The following MARCHF4 variants were observed in gnomAD, a reference collection of about 807,000 sequenced individuals.
MARCHF4 encodes the protein membrane associated ring-CH-type finger 4.
Under a neutral mutation model 43.9 loss-of-function variants are expected in MARCHF4, and 14 were observed. The observed-to-expected ratio is 0.32, with a 90% CI of 0.21 to 0.50. MARCHF4 has a LOEUF of 0.50. Among genes scored for constraint, MARCHF4 ranks in the 20% least tolerant of loss-of-function variants. The pLI, the probability that MARCHF4 is intolerant of heterozygous loss-of-function variation, is 0.98. For missense variants in MARCHF4, 468 were observed against 536.7 expected, an observed-to-expected ratio of 0.87 and a Z score of 1.27; for synonymous variants, 226 against 213.3, an observed-to-expected ratio of 1.06 and a Z score of -0.52.
chr2:216,349,467 C>T (rs1337535081), intron 1 of MARCHF4, among the ~76,000 whole-genome samples: 1 of 152,114 alleles, frequency 6.6e-6, no homozygotes, highest in African/African-American at 2.4e-5. Context: ...CATCGTTCAC[C>T]TGGGAGGAGG....
At chr2:216,275,951 C>T (rs1691015537) in intron 3 of MARCHF4, among the ~76,000 whole-genome samples, 2 of 152,226 alleles carry the variant, frequency 1.3e-5, no homozygotes, top group African/African-American at 2.4e-5. Context: ...CATGAGGAGA[C>T]ACTCAGAGCA....
At chr2:216,365,965 A>G (rs560813034) in intron 1 of MARCHF4, among the ~76,000 whole-genome samples, 2 of 152,332 alleles carry the variant, frequency 1.3e-5, no homozygotes, top group Non-Finnish European at 1.5e-5. Context: ...CTCTGTGCCT[A>G]GAGCATTATA....
chr2:216,365,877 T>C (rs933987720), intron 1 of MARCHF4, among the ~76,000 whole-genome samples: 5 of 152,220 alleles, frequency 3.3e-5, no homozygotes, highest in African/African-American at 1.2e-4. Context: ...CCTATGTCTC[T>C]GGACCTTGTC....
intron 1 of MARCHF4, among the ~76,000 whole-genome samples, chr2:216,323,912 G>A (rs1200277283): frequency 6.6e-6 from 1 of 152,100 alleles, no homozygotes; most frequent in African/African-American, 2.4e-5. Context: ...AACTAGAAAA[G>A]CAAGAGCAAA....
At chr2:216,269,242 A>C (rs185508943) in intron 3 of MARCHF4, among the ~76,000 whole-genome samples, 3 of 152,178 alleles carry the variant, frequency 2.0e-5, no homozygotes, top group Admixed American at 6.5e-5. Flanking sequence ...AGTTAAAAAA[A>C]TGTTTTTTTG....
intron 1 of MARCHF4, among the ~76,000 whole-genome samples, chr2:216,296,847 G>T (rs1043578684): frequency 1.3e-5 from 2 of 152,160 alleles, no homozygotes; most frequent in African/African-American, 4.8e-5. Context: ...TCTGAGGGTG[G>T]CGTAATGGGG....
intron 1 of MARCHF4, chr2:216,318,096 T>C (rs1039001920): frequency 1.3e-5 from 2 of 152,242 alleles, no homozygotes; most frequent in Non-Finnish European, 2.9e-5. Flanking sequence ...TCGATTCAAG[T>C]CACCAGCAGA....
At chr2:216,294,248 C>T (rs1691356534) in intron 1 of MARCHF4, among the ~76,000 whole-genome samples, 1 of 152,396 alleles carries the variant, frequency 6.6e-6, no homozygotes, top group Middle Eastern at 3.4e-3. Flanking sequence ...ACTCTTGCCT[C>T]TTACGAGCAG....
chr2:216,332,752 A>G (rs1028248837), intron 1 of MARCHF4, among the ~76,000 whole-genome samples: 5 of 152,218 alleles, frequency 3.3e-5, no homozygotes, highest in African/African-American at 1.2e-4. Flanking sequence ...CTGAACTACC[A>G]GATATTAAGA....
At chr2:216,340,156 T>C (rs2105973959) in intron 1 of MARCHF4, among the ~76,000 whole-genome samples, 2 of 152,270 alleles carry the variant, frequency 1.3e-5, no homozygotes, top group South Asian at 4.1e-4. Flanking sequence ...TTCAGACCCA[T>C]CCAATCCCTG....
chr2:216,363,000 TCTCCTCTCCCTCCAAC>T (rs912648828), intron 1 of MARCHF4, among the ~76,000 whole-genome samples: 3 of 151,800 alleles, frequency 2.0e-5, no homozygotes, highest in Non-Finnish European at 4.4e-5. Flanking sequence ...CCTTTAAGTG[TCTCCTCTCCCTCCAAC>T]CTCCTCTCCC....
chr2:216,329,182 C>T (rs1457753022), intron 1 of MARCHF4, among the ~76,000 whole-genome samples: 2 of 152,128 alleles, frequency 1.3e-5, no homozygotes, highest in African/African-American at 2.4e-5. Context: ...AGATCGAGAC[C>T]ATCCCGGCTA....
chr2:216,259,353 C>A lies in MARCHF4; in HGVS notation c.1192G>T (p.Gly398Cys). The change falls in exon 4 of 4, where the codon GGC becomes TGC. Residue 398 changes from glycine to cysteine, a missense_variant. Gly to Cys is a radical substitution (Grantham distance 159). This residue lies in a region of MARCHF4 where 120 missense variants were observed against 127.1 expected (regional missense o/e 0.94). Coordinates refer to ENST00000273067, the MANE Select transcript of MARCHF4 (RefSeq NM_020814.3). ...CTCATGACCAGCTCTCGGCTGCTGC[C>A]TGGGGGACTTCGCTGTTCATGAGGT... The part of the protein sequence containing the change: ...LRPHEQRSPP[G>C]SSRELVMRVT... 6.3e-7 allele frequency: 1 copy of A among 1,584,824 alleles called. No homozygotes were observed. Among genetic ancestry groups the A allele is most frequent in the South Asian group, 1.2e-5 (1 of 86,864 alleles).
rs527667432 is a variant in MARCHF4 at position 216,272,800 on chromosome 2, T to C, written c.865+4872A>G. 6.2e-4 allele frequency among the ~76,000 whole-genome samples: 95 copies of C among 152,362 alleles called. 1 individual carries two copies. The highest frequency in any genetic ancestry group is 1.3e-4 in the Admixed American group (2 of 15,312). On this transcript the variant is annotated intron_variant, in intron 3 of 3. Transcript: ENST00000273067. ...AAAGTTAGGACCCTAAGCTAAGAGA[T>C]GCTTTGTCTGTCGAGGCAGCTTGTG... is the stretch of plus-strand genomic sequence containing the variant.
At chr2:216,294,201 C>T (rs1691355868) in intron 1 of MARCHF4, among the ~76,000 whole-genome samples, 1 of 152,226 alleles carries the variant, frequency 6.6e-6, no homozygotes, top group Non-Finnish European at 1.5e-5. Context: ...CAAGCCAAGG[C>T]AAAGGCACAG....
chr2:216,276,797 A>C (rs1574461157), intron 3 of MARCHF4, among the ~76,000 whole-genome samples: 1 of 151,850 alleles, frequency 6.6e-6, no homozygotes, highest in Non-Finnish European at 1.5e-5. Context: ...GCGCTTCCCC[A>C]CCTCCTTAGC....
At chr2:216,360,407 T>C (rs778136868) in intron 1 of MARCHF4, among the ~76,000 whole-genome samples, 2 of 152,106 alleles carry the variant, frequency 1.3e-5, no homozygotes, top group African/African-American at 4.8e-5. Context: ...CTCTGGGACA[T>C]CCATGTGATG....
At chr2:216,262,214 G>A (rs1013497566) in intron 3 of MARCHF4, among the ~76,000 whole-genome samples, 49 of 152,326 alleles carry the variant, frequency 3.2e-4, no homozygotes, top group Middle Eastern at 3.4e-3. Context: ...CAAGGGAGAT[G>A]TGGTAGAATT....
At chr2:216,263,852 G>A (rs576764704) in intron 3 of MARCHF4, among the ~76,000 whole-genome samples, 1 of 152,306 alleles carries the variant, frequency 6.6e-6, no homozygotes, top group South Asian at 2.1e-4. Context: ...GGGGCACGGT[G>A]AAGGGCTGGG....
Sources: gnomAD v4.1 joint callset for allele counts (sites outside exome capture counted in the v4.1 genomes callset) on GRCh38, gnomAD v4.1.1 for gene constraint, gnomAD v4.1.1 regional missense constraint, MANE v1.5 for transcripts, NCBI Gene and HGNC (gene_info 2026-07-23, HGNC 2026-07-21) for gene names.